The following C7orf78 variants were observed in gnomAD, a reference collection of about 807,000 sequenced individuals.
C7orf78 encodes chromosome 7 open reading frame 78.
chr7:12,492,215 T>C, the C7orf78 span, among the ~76,000 whole-genome samples: 1 of 152,296 alleles, frequency 6.6e-6, no homozygotes, highest in Non-Finnish European at 1.5e-5. Flanking sequence ...GTAATACATT[T>C]AAGTAACAAT....
chr7:12,532,346 G>A, the C7orf78 span, among the ~76,000 whole-genome samples: 6 of 152,018 alleles, frequency 3.9e-5, no homozygotes, highest in Non-Finnish European at 5.9e-5. Context: ...TCTGGAGTTC[G>A]AGACCAGCCT....
chr7:12,512,053 G>A, the C7orf78 span, among the ~76,000 whole-genome samples: 1 of 151,252 alleles, frequency 6.6e-6, no homozygotes, highest in Non-Finnish European at 1.5e-5. Flanking sequence ...GGGATTACAG[G>A]CGTGAGCCAC....
the C7orf78 span, among the ~76,000 whole-genome samples, chr7:12,515,914 T>C: frequency 6.6e-6 from 1 of 152,140 alleles, no homozygotes; most frequent in South Asian, 2.1e-4. Flanking sequence ...TTCAGTTTTA[T>C]AAGGGAAGCA....
At chr7:12,540,151 C>G in the C7orf78 span, among the ~76,000 whole-genome samples, 2 of 152,138 alleles carry the variant, frequency 1.3e-5, no homozygotes, top group African/African-American at 4.8e-5. Flanking sequence ...TTTGAAGGAA[C>G]CAACCTGTCT....
chr7:12,497,973 C>T, the C7orf78 span, among the ~76,000 whole-genome samples: 1 of 151,956 alleles, frequency 6.6e-6, no homozygotes, highest in Non-Finnish European at 1.5e-5. Flanking sequence ...AGCAGGGGCA[C>T]ACTGACACCT....
the C7orf78 span, among the ~76,000 whole-genome samples, chr7:12,512,746 G>A: frequency 3.3e-5 from 5 of 152,260 alleles, no homozygotes; most frequent in East Asian, 9.7e-4. Flanking sequence ...ATAGTTTGAG[G>A]ATGATTAGTA....
chr7:12,520,635 G>C, the C7orf78 span, among the ~76,000 whole-genome samples: 1 of 152,120 alleles, frequency 6.6e-6, no homozygotes, highest in South Asian at 2.1e-4. Context: ...GACTTGCTTT[G>C]TGGCCTAACT....
At chr7:12,491,727 G>T in the C7orf78 span, 1 of 152,118 alleles carries the variant, frequency 6.6e-6, no homozygotes, top group African/African-American at 2.4e-5. Context: ...CACACTCATC[G>T]GATGCAACAT....
chr7:12,535,552 C>G, the C7orf78 span, among the ~76,000 whole-genome samples: 1 of 152,090 alleles, frequency 6.6e-6, no homozygotes, highest in East Asian at 1.9e-4. Flanking sequence ...TGGCCCCTCC[C>G]AAATCTCATG....
At chr7:12,497,960 T>C in the C7orf78 span, among the ~76,000 whole-genome samples, 1 of 151,810 alleles carries the variant, frequency 6.6e-6, no homozygotes, top group African/African-American at 2.4e-5. Context: ...GGAGGCACCC[T>C]CCAGCAGGGG....
the C7orf78 span, among the ~76,000 whole-genome samples, chr7:12,488,579 A>T: frequency 4.5e-4 from 69 of 152,040 alleles, 1 homozygote; most frequent in African/African-American, 1.6e-3. Context: ...ATAAATTCAA[A>T]TCTCATTGCA....
the C7orf78 span, among the ~76,000 whole-genome samples, chr7:12,497,872 C>T: frequency 2.6e-5 from 4 of 151,018 alleles, no homozygotes; most frequent in Non-Finnish European, 4.4e-5. Context: ...TCTCCCAGCA[C>T]GCAGCTGGAG....
the C7orf78 span, among the ~76,000 whole-genome samples, chr7:12,501,533 A>G: frequency 6.7e-6 from 1 of 148,880 alleles, no homozygotes; most frequent in Non-Finnish European, 1.5e-5. Flanking sequence ...AGGGATGTGA[A>G]GGACCTCTTC....
chr7:12,539,251 T>C, the C7orf78 span, among the ~76,000 whole-genome samples: 1 of 152,020 alleles, frequency 6.6e-6, no homozygotes, highest in East Asian at 1.9e-4. Context: ...GATCGTGAGG[T>C]CAGGAGGTCA....
At chr7:12,527,161 G>C in the C7orf78 span, among the ~76,000 whole-genome samples, 1 of 147,330 alleles carries the variant, frequency 6.8e-6, no homozygotes, top group Non-Finnish European at 1.5e-5. Flanking sequence ...CTGTGTAATT[G>C]AAATGGAACA....
At chr7:12,525,852 T>C in the C7orf78 span, 1 of 397,116 alleles carries the variant, frequency 2.5e-6, no homozygotes, top group East Asian at 3.6e-5. Flanking sequence ...TTGAGACAAC[T>C]TATGAAAAGG....
the C7orf78 span, among the ~76,000 whole-genome samples, chr7:12,486,030 C>T: frequency 6.6e-6 from 1 of 152,084 alleles, no homozygotes; most frequent in Non-Finnish European, 1.5e-5. Flanking sequence ...TAGCAGATGA[C>T]TCTGAAAATG....
At chr7:12,507,757 G>C in the C7orf78 span, among the ~76,000 whole-genome samples, 1 of 152,180 alleles carries the variant, frequency 6.6e-6, no homozygotes, top group African/African-American at 2.4e-5. Flanking sequence ...CAAGGTTGTA[G>C]TGTATTTTTA....
the C7orf78 span, among the ~76,000 whole-genome samples, chr7:12,499,904 C>A: frequency 7.4e-6 from 1 of 135,984 alleles, no homozygotes; most frequent in Non-Finnish European, 1.6e-5. Context: ...TGCAATCAAA[C>A]TAGAACTCAG....
Sources: allele counts gnomAD v4.1 joint callset (sites outside exome capture counted in the v4.1 genomes callset), GRCh38; gene constraint gnomAD v4.1.1; transcripts MANE v1.5; gene names NCBI Gene and HGNC (gene_info 2026-07-23, HGNC 2026-07-21).